Variants in ANTXR1 observed in about 807,000 individuals in gnomAD.
The protein encoded by ANTXR1 is ANTXR cell adhesion molecule 1.
In ANTXR1, 19 loss-of-function variants were observed where a neutral mutation model predicts 78.1. The ratio of observed to expected loss-of-function variants is 0.24; its 90% CI spans 0.17 to 0.36. The LOEUF (loss-of-function observed/expected upper bound fraction) is 0.36. Among genes scored for constraint, ANTXR1 ranks in the 10% least tolerant of loss-of-function variants. The pLI is 1.00. For synonymous variants in ANTXR1, 273 were observed against 260.5 expected (o/e 1.05, Z -0.46); for missense variants, 518 against 718.6 (o/e 0.72, Z 3.19).
chr2:69,177,784 G>T (rs569004070), intron 14 of ANTXR1, among the ~76,000 whole-genome samples: 10 of 152,208 alleles, frequency 6.6e-5, no homozygotes, highest in African/African-American at 2.4e-4. Context: ...AACCCCTGAC[G>T]GAATATTAAA....
intron 3 of ANTXR1, among the ~76,000 whole-genome samples, chr2:69,057,482 T>C (rs1372524069): frequency 6.6e-6 from 1 of 152,244 alleles, no homozygotes; most frequent in Non-Finnish European, 1.5e-5. Flanking sequence ...TGGTGATCTG[T>C]GATCAGTCAT....
intron 1 of ANTXR1, among the ~76,000 whole-genome samples, chr2:69,033,502 G>C (rs1247387052): frequency 6.6e-6 from 1 of 152,156 alleles, no homozygotes; most frequent in African/African-American, 2.4e-5. Flanking sequence ...CTTCTAAAGG[G>C]CACTCTTTTC....
intron 17 of ANTXR1, among the ~76,000 whole-genome samples, chr2:69,231,115 T>C (rs983662554): frequency 6.6e-6 from 1 of 152,256 alleles, no homozygotes; most frequent in African/African-American, 2.4e-5. Flanking sequence ...GCTCCATCCA[T>C]GTTCCTGCAA....
chr2:69,094,964 G>A (rs1030176520), intron 9 of ANTXR1, among the ~76,000 whole-genome samples: 5 of 152,156 alleles, frequency 3.3e-5, no homozygotes, highest in African/African-American at 1.2e-4. Flanking sequence ...CAACAAGAAT[G>A]CCTCTGACTA....
At chr2:69,178,157 G>A (rs1674181414) in intron 14 of ANTXR1, among the ~76,000 whole-genome samples, 1 of 152,186 alleles carries the variant, frequency 6.6e-6, no homozygotes, top group Non-Finnish European at 1.5e-5. Flanking sequence ...GTTTCTTAGT[G>A]GCCTTGCTGA....
chr2:69,107,855 CTTT>C (rs61229540), intron 10 of ANTXR1, among the ~76,000 whole-genome samples: 58,211 of 126,742 alleles, frequency 0.46, 11,628 homozygotes, highest in East Asian at 0.6. Flanking sequence ...GATAAGACTT[CTTT>C]AACATAAAAA....
intron 13 of ANTXR1, among the ~76,000 whole-genome samples, chr2:69,162,022 GAA>G (rs367737643): frequency 6.7e-6 from 1 of 148,802 alleles, no homozygotes; most frequent in African/African-American, 2.5e-5. Flanking sequence ...ATCATTTGTG[GAA>G]AAAAAAAAAT....
chr2:69,174,549 T>C (rs1401545256), intron 14 of ANTXR1, among the ~76,000 whole-genome samples: 1 of 151,832 alleles, frequency 6.6e-6, no homozygotes, highest in Non-Finnish European at 1.5e-5. Context: ...TGCTTAAACC[T>C]GGGAGGTGGA....
At chr2:69,163,318 A>AC (rs2104443673) in intron 13 of ANTXR1, among the ~76,000 whole-genome samples, 1 of 151,916 alleles carries the variant, frequency 6.6e-6, no homozygotes, top group East Asian at 1.9e-4. Flanking sequence ...TCATGTAAAA[A>AC]AAAAAGCAAT....
intron 13 of ANTXR1, among the ~76,000 whole-genome samples, chr2:69,167,308 A>G (rs559405854): frequency 6.6e-6 from 1 of 152,336 alleles, no homozygotes; most frequent in South Asian, 2.1e-4. Context: ...ATCTATTTTT[A>G]AGGCTACTCT....
intron 1 of ANTXR1, among the ~76,000 whole-genome samples, chr2:69,033,976 T>C (rs1331652470): frequency 6.6e-6 from 1 of 152,164 alleles, no homozygotes; most frequent in Non-Finnish European, 1.5e-5. Context: ...AAGAATGCAC[T>C]TCAGAAAACA....
chr2:69,123,110 C>A (rs774277958), intron 11 of ANTXR1, 24 bp downstream of exon 11: 2 of 1,611,944 alleles, frequency 1.2e-6, no homozygotes, highest in Non-Finnish European at 8.5e-7. Flanking sequence ...AGCAACTGAA[C>A]CTCCCAGCCA....
intron 1 of ANTXR1, among the ~76,000 whole-genome samples, chr2:69,036,205 A>G (rs1669415296): frequency 6.6e-6 from 1 of 152,178 alleles, no homozygotes; most frequent in African/African-American, 2.4e-5. Context: ...TCCTCCTAGT[A>G]TAATTTCCTG....
intron 17 of ANTXR1, among the ~76,000 whole-genome samples, chr2:69,218,837 C>T (rs1675242947): frequency 6.6e-6 from 1 of 152,116 alleles, no homozygotes; most frequent in Admixed American, 6.5e-5. Flanking sequence ...ATCCCTGCCC[C>T]ACCTAGACTC....
chr2:69,183,548 C>G (rs143860018), intron 16 of ANTXR1, among the ~76,000 whole-genome samples: 1 of 150,994 alleles, frequency 6.6e-6, no homozygotes, highest in Non-Finnish European at 1.5e-5. Flanking sequence ...ACTACGGGCA[C>G]GCACCACCAC....
intron 8 of ANTXR1, among the ~76,000 whole-genome samples, chr2:69,087,428 G>A (rs72897367): frequency 0.017 from 2,599 of 152,280 alleles, 76 homozygotes; most frequent in African/African-American, 0.058. Context: ...TCATGAGTGA[G>A]TTGACCTCAG....
intron 10 of ANTXR1, among the ~76,000 whole-genome samples, chr2:69,118,246 CAAA>C (rs61565815): frequency 1.1e-5 from 1 of 94,966 alleles, no homozygotes; most frequent in Non-Finnish European, 2.2e-5. Context: ...CTTGTCTCTA[CAAA>C]AAAAAAAAAA....
intron 17 of ANTXR1, among the ~76,000 whole-genome samples, chr2:69,223,708 A>C (rs1433624744): frequency 1.3e-5 from 2 of 152,250 alleles, no homozygotes; most frequent in African/African-American, 4.8e-5. Flanking sequence ...AGAAGGTTTT[A>C]ATATCTTCAT....
At chr2:69,065,023 C>T (rs996028595) in intron 3 of ANTXR1, among the ~76,000 whole-genome samples, 31 of 151,826 alleles carry the variant, frequency 2.0e-4, no homozygotes, top group African/African-American at 7.3e-4. Context: ...ACAAGTGAAT[C>T]AATAAAATTG....
Sources: allele counts gnomAD v4.1 joint callset (sites outside exome capture counted in the v4.1 genomes callset), GRCh38; gene constraint gnomAD v4.1.1; transcripts MANE v1.5; gene names NCBI Gene and HGNC (gene_info 2026-07-23, HGNC 2026-07-21).